Variants in SH3BP2 observed in about 807,000 individuals in gnomAD.
The protein encoded by SH3BP2 is SH3 domain binding protein 2, also known as SH3 domain-binding protein 2.
In SH3BP2, 38 loss-of-function variants were observed where a neutral mutation model predicts 56.2. The observed-to-expected ratio is 0.68, with a 90% CI of 0.52 to 0.89. The LOEUF is 0.89. SH3BP2 is among the 40% of genes least tolerant of loss of function. SH3BP2 has a pLI of 0.00. For synonymous variants in SH3BP2, 346 were observed against 316.7 expected (o/e 1.09, Z -0.98); for missense variants, 748 against 762.6 (o/e 0.98, Z 0.23).
intron 1 of SH3BP2, among the ~76,000 whole-genome samples, chr4:2,805,546 G>A (rs1327175241): frequency 6.6e-6 from 1 of 152,228 alleles, no homozygotes; most frequent in South Asian, 2.1e-4. Context: ...CCTGGTGCCA[G>A]TGTCACACTG....
intron 3 of SH3BP2, chr4:2,823,670 G>C: frequency 2.7e-6 from 1 of 370,686 alleles, no homozygotes; most frequent in Non-Finnish European, 5.5e-6. Flanking sequence ...ACCCAGCTCT[G>C]GTTCTGGTTG....
rs1177593240 is a variant in SH3BP2, at chr4:2,834,310, T to G, written c.*476T>G. ...TTTGCCTTGGTGGCTGGGGCTTGATTGGGAAGGAGGGGATTACCAGCTTAC... is the reference window on the plus strand; with the variant it reads ...TTTGCCTTGGTGGCTGGGGCTTGATGGGGAAGGAGGGGATTACCAGCTTAC... On this transcript the variant is annotated 3_prime_UTR_variant, in exon 13 of 13. Transcript: ENST00000503393. 1 of 158,952 alleles carries G rather than the reference T, an allele frequency of 6.3e-6. No individual in the cohort carries two copies. Among genetic ancestry groups the G allele is most frequent in the East Asian group, 1.9e-4 (1 of 5,384 alleles). The allele number at this position is 158,952 out of a possible 1,614,324, so 9.8% of individuals were successfully genotyped here.
chr4:2,797,854 G>A (rs1027273198), intron 1 of SH3BP2, among the ~76,000 whole-genome samples: 5 of 152,202 alleles, frequency 3.3e-5, no homozygotes, highest in African/African-American at 1.2e-4. Flanking sequence ...GAAGTGGCGC[G>A]GGCAACGGGC....
chr4:2,799,584 G>A (rs1723176340), intron 1 of SH3BP2, among the ~76,000 whole-genome samples: 1 of 152,342 alleles, frequency 6.6e-6, no homozygotes, highest in African/African-American at 2.4e-5. Flanking sequence ...GATCTAGCGG[G>A]CCTTGCCCCA....
At chr4:2,825,849 C>G (rs747892244) in intron 5 of SH3BP2, among the ~76,000 whole-genome samples, 34 of 152,270 alleles carry the variant, frequency 2.2e-4, no homozygotes, top group Non-Finnish European at 4.0e-4. Context: ...CGCCACTGGG[C>G]AGTCTGAGCC....
intron 1 of SH3BP2, among the ~76,000 whole-genome samples, chr4:2,797,121 T>C (rs1276256057): frequency 6.6e-6 from 1 of 152,160 alleles, no homozygotes; most frequent in Non-Finnish European, 1.5e-5. Flanking sequence ...GTGATGCTCT[T>C]CTGTGGCATT....
intron 1 of SH3BP2, among the ~76,000 whole-genome samples, chr4:2,796,930 G>C (rs766057596): frequency 6.6e-6 from 1 of 152,264 alleles, no homozygotes; most frequent in Non-Finnish European, 1.5e-5. Context: ...TCTGGGCTCA[G>C]AGCAGGCTTC....
At chr4:2,807,172 G>C (rs392479) in intron 1 of SH3BP2, among the ~76,000 whole-genome samples, 78,838 of 152,088 alleles carry the variant, frequency 0.52, 20,564 homozygotes, top group Admixed American at 0.58. Context: ...GGGCTGGCCG[G>C]CGGCTTGTCT....
At chr4:2,812,434 A>G (rs1723788480) in intron 1 of SH3BP2, 4 of 1,550,170 alleles carry the variant, frequency 2.6e-6, no homozygotes, top group Non-Finnish European at 3.5e-6. Flanking sequence ...GGCCCCGAGC[A>G]GGTCACGAGG....
intron 1 of SH3BP2, chr4:2,799,004 C>A: frequency 4.1e-6 from 4 of 985,614 alleles, no homozygotes; most frequent in Non-Finnish European, 4.8e-6. Context: ...CAGCACGGGG[C>A]CTGGGAAACT....
chr4:2,794,481 C>T (rs1279971770), intron 1 of SH3BP2, among the ~76,000 whole-genome samples: 2 of 152,186 alleles, frequency 1.3e-5, no homozygotes, highest in East Asian at 1.9e-4. Context: ...AGGCCTGGGA[C>T]GAGGGCTGCA....
intron 3 of SH3BP2, 130 bp downstream of exon 3, chr4:2,823,167 A>G (rs943266933): frequency 2.8e-6 from 2 of 721,016 alleles, no homozygotes; most frequent in Non-Finnish European, 5.0e-6. Context: ...CTTCGTGCCC[A>G]TCCCCTGTCC....
At chr4:2,800,454 TA>T (rs1441415243) in intron 1 of SH3BP2, among the ~76,000 whole-genome samples, 2 of 152,030 alleles carry the variant, frequency 1.3e-5, no homozygotes, top group Non-Finnish European at 2.9e-5. Flanking sequence ...GAGGAGGCCC[TA>T]GGGGCAGACA....
chr4:2,829,791 T>A lies in SH3BP2; in HGVS notation c.885T>A (p.Pro295=), dbSNP rs1264821549. 1.2e-6 allele frequency: 2 copies of A among 1,612,966 alleles called. No homozygotes were observed. Among genetic ancestry groups the A allele is most frequent in the Non-Finnish European group, 1.7e-6 (2 of 1,179,812 alleles). The change falls in exon 8 of 13, where the codon CCT becomes CCA. Residue 295 remains proline, a synonymous_variant. Coordinates refer to ENST00000503393, the MANE Select transcript of SH3BP2 (RefSeq NM_001122681.2). The surrounding 1 kb of genome is among the most constrained non-coding windows in gnomAD (Gnocchi z 4.9). ...CCGCACCCGGCCTCCGGAAACCCCC[T>A]TGCTTCCGGGAGAGTGCCAGCCCCA... ...MPTAPGLRKP[P]CFRESASPSP...
chr4:2,800,810 G>A (rs1297186652), intron 1 of SH3BP2, among the ~76,000 whole-genome samples: 2 of 152,204 alleles, frequency 1.3e-5, no homozygotes, highest in African/African-American at 4.8e-5. Flanking sequence ...TGACCTGGCC[G>A]GGGGCAGAAG....
In SH3BP2 at chr4:2,826,884, C is replaced by T. The variant is rs116806869; in HGVS notation, c.429-346C>T. 3,281 of 502,710 alleles carry T rather than the reference C, an allele frequency of 6.5e-3. 82 individuals are homozygous for T. Among genetic ancestry groups the T allele is most frequent in the African/African-American group, 0.055 (2,888 of 52,118 alleles). The allele number at this position is 502,710 out of a possible 1,614,324, so 31.1% of individuals were successfully genotyped here. The stretch of plus-strand genomic sequence containing the variant: ...TTGTGTCTGTGTGTCTACATGTCTG[C>T]GCGTGTCCCTGTGTCTTTGTGTATA... On this transcript the variant is annotated intron_variant, in intron 5 of 12. Coordinates refer to ENST00000503393, the MANE Select transcript of SH3BP2 (RefSeq NM_001122681.2).
chr4:2,833,518 G>C, intron 12 of SH3BP2, 179 bp from the exon 13 acceptor site: 1 of 720,964 alleles, frequency 1.4e-6, no homozygotes, highest in Non-Finnish European at 2.4e-6. Flanking sequence ...AGTGAGGTGG[G>C]AACATGGAGA....
intron 1 of SH3BP2, among the ~76,000 whole-genome samples, chr4:2,803,088 G>A (rs369592819): frequency 9.2e-5 from 14 of 152,200 alleles, no homozygotes; most frequent in Admixed American, 5.2e-4. Context: ...AGACCGCCAC[G>A]GTACGAAAAG....
chr4:2,798,092 G>A (rs946362898), intron 1 of SH3BP2, among the ~76,000 whole-genome samples: 58 of 152,152 alleles, frequency 3.8e-4, no homozygotes, highest in African/African-American at 1.2e-3. Flanking sequence ...GACAGCCACC[G>A]CTGCCTGCCA....
Sources: gnomAD v4.1 joint callset for allele counts (sites outside exome capture counted in the v4.1 genomes callset) on GRCh38, gnomAD v4.1.1 for gene constraint, Gnocchi (gnomAD v3.1) non-coding constraint, MANE v1.5 for transcripts, NCBI Gene and HGNC (gene_info 2026-07-23, HGNC 2026-07-21) for gene names.